COL4A4: variants seen among roughly 807,000 people sequenced by gnomAD.
The protein encoded by COL4A4 is collagen alpha-4(IV) chain.
Under a neutral mutation model 192.9 loss-of-function variants are expected in COL4A4, and 105 were observed. The ratio of observed to expected loss-of-function variants is 0.54; its 90% CI spans 0.46 to 0.64. COL4A4 has a LOEUF of 0.64. Among genes scored for constraint, COL4A4 ranks in the 30% least tolerant of loss-of-function variants. The probability of loss-of-function intolerance (pLI) is 0.00; values close to 1 mark genes in which losing one functional copy is unlikely to be tolerated. For missense variants in COL4A4, 1,967 were observed against 2,169.3 expected, an observed-to-expected ratio of 0.91 and a Z score of 1.85; for synonymous variants, 762 against 769.9, an observed-to-expected ratio of 0.99 and a Z score of 0.17.
At chr2:227,105,318 G>A (rs550630331) in intron 12 of COL4A4, among the ~76,000 whole-genome samples, 52 of 151,122 alleles carry the variant, frequency 3.4e-4, no homozygotes, top group African/African-American at 1.2e-3. Context: ...AGCCTCCTGA[G>A]TACCTGGGAT....
At chr2:227,056,226 A>G (rs146149405) in intron 29 of COL4A4, 111 bp from the exon 30 acceptor site, 1 of 933,060 alleles carries the variant, frequency 1.1e-6, no homozygotes, top group Non-Finnish European at 1.7e-6. Flanking sequence ...GTAAAGCAAT[A>G]TTTGTTGGCT....
intron 35 of COL4A4, among the ~76,000 whole-genome samples, chr2:227,044,615 A>AT (rs1198497878): frequency 8.8e-6 from 1 of 113,716 alleles, no homozygotes; most frequent in Non-Finnish European, 1.9e-5. Flanking sequence ...ACACTGAAAT[A>AT]TTAAAAATAA....
intron 22 of COL4A4, among the ~76,000 whole-genome samples, chr2:227,085,754 G>A (rs1318293492): frequency 1.3e-5 from 2 of 152,166 alleles, no homozygotes; most frequent in Non-Finnish European, 2.9e-5. Flanking sequence ...AGCCATTCGT[G>A]AGGGATCCAC....
At chr2:226,988,781 T>G in the COL4A4 span, 1 of 844,484 alleles carries the variant, frequency 1.2e-6, no homozygotes, top group South Asian at 5.5e-5. Flanking sequence ...AGTTACAAAC[T>G]GTTCTCTATT....
chr2:227,128,937 A>G (rs2062251569), intron 4 of COL4A4, among the ~76,000 whole-genome samples: 1 of 151,864 alleles, frequency 6.6e-6, no homozygotes, highest in Non-Finnish European at 1.5e-5. Flanking sequence ...TGCAGTTTCC[A>G]CACCCCCACC....
chr2:227,109,310 A>T lies in COL4A4; in HGVS notation c.595-24T>A, dbSNP rs1362846170. 6.9e-6 allele frequency: 11 copies of T among 1,592,364 alleles called. No homozygotes were observed. The African/African-American group carries it at 1.3e-4, about 19-fold the overall frequency. On this transcript the variant is annotated intron_variant, in intron 9 of 47. Transcript: ENST00000396625. ...CCCTAAACATGAGAAAAATCAGTGC[A>T]TCTGTTACCCAAAATTGTAATCATC...
At chr2:226,982,157 T>A in the COL4A4 span, among the ~76,000 whole-genome samples, 1 of 152,194 alleles carries the variant, frequency 6.6e-6, no homozygotes, top group African/African-American at 2.4e-5. Flanking sequence ...GGCTGGGAGG[T>A]TCCCAGTGAT....
rs368884003 is a variant in COL4A4, at chr2:227,118,703, G to A, written c.431C>T (p.Ser144Leu). 2.8e-5 allele frequency: 45 copies of A among 1,613,892 alleles called. No individual in the cohort carries two copies. The African/African-American group carries it at 4.8e-4, about 17-fold the overall frequency. ...GKPGMSGHNG[S>L]RGDPGFPGGR... is the part of the protein sequence containing the mutation. ...TCCTGGAAACCCTGGGTCACCTCTT[G>A]AGCCATTGTGGCCACTCATACCAGG... The change falls in exon 7 of 48, where the codon TCA (serine) becomes TTA (leucine). Residue 144 changes from serine to leucine, a missense_variant. Physicochemically the swap from Ser to Leu is moderately radical, Grantham distance 145. Transcript: ENST00000396625.
rs543597339 is a variant in COL4A4, at chr2:227,014,661, T to A, written c.4217-2364A>T. Among the ~76,000 whole-genome samples the A allele has an allele frequency of 9.2e-5, 14 of 152,224 alleles. 1 individual carries two copies. The highest frequency in any genetic ancestry group is 1.3e-4 in the Non-Finnish European group (9 of 68,044). ...ATGGCTTATGTGGTAGAGCCAGAGT[T>A]ATGAACATATGTCATCTACTTCCAG... On this transcript the variant is annotated intron_variant, in intron 44 of 47. Coordinates refer to ENST00000396625, the MANE Select transcript of COL4A4 (RefSeq NM_000092.5).
At chr2:227,063,108 T>G (rs1977545200) in intron 25 of COL4A4, among the ~76,000 whole-genome samples, 1 of 152,168 alleles carries the variant, frequency 6.6e-6, no homozygotes, top group Non-Finnish European at 1.5e-5. Flanking sequence ...TAGCTACCAC[T>G]TATTGAGGGT....
chr2:227,102,699 T>C (rs2060591342), intron 15 of COL4A4, 90 bp downstream of exon 15: 18 of 1,096,696 alleles, frequency 1.6e-5, no homozygotes, highest in Non-Finnish European at 2.4e-5. Context: ...TCTTCACTTT[T>C]GAGCTTGTGG....
In COL4A4 at chr2:227,008,139, A is replaced by G. The variant is rs2149721235; in HGVS notation, c.4688T>C (p.Val1563Ala). 1 of 1,613,996 alleles carries G rather than the reference A, an allele frequency of 6.2e-7. No individual in the cohort carries two copies. ...GGCCTCGCATACCGCACAGCGGCTG[A>G]CATAGGGGCGGATCGCCTCTTCAGA... The part of the protein sequence containing the change: ...PLSEEAIRPY[V>A]SRCAVCEAPA... The change falls in exon 47 of 48, where the codon GTC (valine) becomes GCC (alanine). Residue 1563 changes from valine (V) to alanine (A), a missense_variant. Coordinates refer to ENST00000396625, the MANE Select transcript of COL4A4 (RefSeq NM_000092.5).
At chr2:227,010,101 A>G (rs1963298228) in intron 46 of COL4A4, among the ~76,000 whole-genome samples, 1 of 152,230 alleles carries the variant, frequency 6.6e-6, no homozygotes, top group African/African-American at 2.4e-5. Context: ...TTATAGCCAG[A>G]TAATAATTAT....
intron 4 of COL4A4, among the ~76,000 whole-genome samples, chr2:227,124,379 A>G (rs992400145): frequency 6.6e-6 from 1 of 152,242 alleles, no homozygotes; most frequent in African/African-American, 2.4e-5. Flanking sequence ...TGATTTTATA[A>G]TAAAGATTAG....
At chr2:226,975,353 A>G in the COL4A4 span, among the ~76,000 whole-genome samples, 1 of 152,178 alleles carries the variant, frequency 6.6e-6, no homozygotes, top group Non-Finnish European at 1.5e-5. Context: ...AACTTATACA[A>G]TTTTATTTGT....
chr2:227,160,776 C>A (rs1471298744), intron 1 of COL4A4, among the ~76,000 whole-genome samples: 2 of 152,136 alleles, frequency 1.3e-5, no homozygotes, highest in African/African-American at 2.4e-5. Flanking sequence ...TAGATAGCTA[C>A]CATAATCCAC....
chr2:227,034,588 T>C (rs1359915806), intron 37 of COL4A4, among the ~76,000 whole-genome samples: 2 of 151,616 alleles, frequency 1.3e-5, no homozygotes, highest in African/African-American at 4.8e-5. Context: ...TATTATACTT[T>C]AAGTTTTAGG....
At position 227,008,255 on chromosome 2, in the gene COL4A4, G is replaced by T; in HGVS notation, c.4572C>A (p.Tyr1524Ter). The T allele has an allele frequency of 1.2e-6, 2 of 1,614,244 alleles. No individual in the cohort carries two copies. The highest frequency in any genetic ancestry group is 1.7e-6 in the Non-Finnish European group (2 of 1,180,038). ...LPVFSTLPFAYCNIHQVCHYA... is the reference protein window; with the variant it reads ...LPVFSTLPFA ...AGTGGCACACCTGGTGGATGTTGCA[G>T]TAGGCAAAGGGCAGCGTGCTAAATA... The change falls in exon 47 of 48, where the codon TAC becomes TAA. Residue 1524 changes from tyrosine (Y) to a stop codon, truncating the protein, a stop_gained. Transcript: ENST00000396625. LOFTEE classifies it high-confidence loss of function.
intron 23 of COL4A4, 57 bp from the exon 24 acceptor site, chr2:227,080,606 T>C: frequency 6.9e-7 from 1 of 1,445,378 alleles, no homozygotes; most frequent in Non-Finnish European, 9.7e-7. Context: ...TAAAGTAGGA[T>C]AGAGAGGACA....
Sources: allele counts gnomAD v4.1 joint callset (sites outside exome capture counted in the v4.1 genomes callset), GRCh38; gene constraint gnomAD v4.1.1; transcripts MANE v1.5; gene names NCBI Gene and HGNC (gene_info 2026-07-23, HGNC 2026-07-21).